The following OR4E2 variants were observed in gnomAD, a reference collection of about 807,000 sequenced individuals.
OR4E2 encodes the protein olfactory receptor 4E2.
In OR4E2, 9 loss-of-function variants were observed where a neutral mutation model predicts 11.0. The ratio of observed to expected loss-of-function variants is 0.82; its 90% CI spans 0.49 to 1.43. OR4E2 has a LOEUF of 1.43. Ranked by LOEUF, OR4E2 falls within the 40% of genes most tolerant of loss-of-function variation. The probability of loss-of-function intolerance (pLI) is 0.00; values close to 1 mark genes in which losing one functional copy is unlikely to be tolerated. For synonymous variants in OR4E2, 159 were observed against 147.3 expected, an observed-to-expected ratio of 1.08 and a Z score of -0.57; for missense variants, 441 against 382.0, an observed-to-expected ratio of 1.15 and a Z score of -1.29.
chr14:21,664,076 T>C (rs540482677), intron 3 of OR4E2, among the ~76,000 whole-genome samples: 1 of 152,368 alleles, frequency 6.6e-6, no homozygotes, highest in African/African-American at 2.4e-5. Flanking sequence ...TGTACATGTA[T>C]CTTTATAATT....
chr14:21,657,376 TC>T (rs1880015166), intron 2 of OR4E2, among the ~76,000 whole-genome samples: 1 of 147,532 alleles, frequency 6.8e-6, no homozygotes, highest in Non-Finnish European at 1.5e-5. Flanking sequence ...CTTCCTTCCT[TC>T]CTTCCTTCCT....
In OR4E2 at chr14:21,665,160, GT is replaced by G. The variant is rs1468174992; in HGVS notation, c.83del (p.Phe28SerfsTer10). ...LTDNRVLEML[F>X]FMAFSAIYML... ...CTGATAACCGGGTGCTGGAAATGCT[GT>G]TTTTCATGGCATTCTCAGCCATTTA... is the stretch of plus-strand genomic sequence containing the variant. On this transcript the variant is annotated frameshift_variant, in exon 4 of 4. Coordinates refer to ENST00000641524, the MANE Select transcript of OR4E2 (RefSeq NM_001001912.3). LOFTEE classifies it low-confidence loss of function (END_TRUNC). The G allele has an allele frequency of 6.2e-7, 1 of 1,613,952 alleles. No homozygotes were observed. The highest frequency in any genetic ancestry group is 8.5e-7 in the Non-Finnish European group (1 of 1,179,888).
intron 1 of OR4E2, among the ~76,000 whole-genome samples, chr14:21,655,045 A>C (rs1182759374): frequency 6.6e-6 from 1 of 152,206 alleles, no homozygotes; most frequent in Non-Finnish European, 1.5e-5. Context: ...ACATCTAAAA[A>C]ATACCTTCAA....
At chr14:21,657,574 T>TCC (rs782081720) in intron 2 of OR4E2, among the ~76,000 whole-genome samples, 1 of 129,968 alleles carries the variant, frequency 7.7e-6, no homozygotes, top group Admixed American at 8.6e-5. Context: ...TCTCTCTCTC[T>TCC]CCCCCTTCCC....
chr14:21,657,389 T>TTCCTTC (rs1566581708), intron 2 of OR4E2, among the ~76,000 whole-genome samples: 2,655 of 82,202 alleles, frequency 0.032, 78 homozygotes, highest in Middle Eastern at 0.056. Context: ...TTCCTTCCTT[T>TTCCTTC]CTTTCTTCCT....
intron 1 of OR4E2, among the ~76,000 whole-genome samples, chr14:21,655,147 G>A (rs193078115): frequency 2.6e-5 from 4 of 152,240 alleles, no homozygotes; most frequent in Admixed American, 6.5e-5. Context: ...TAATTAAAGG[G>A]ATAAAATTAT....
At chr14:21,662,922 G>T (rs1880415068) in intron 3 of OR4E2, among the ~76,000 whole-genome samples, 1 of 152,038 alleles carries the variant, frequency 6.6e-6, no homozygotes, top group African/African-American at 2.4e-5. Context: ...TTTCCCAACG[G>T]TTATAGTTTT....
chr14:21,665,945 C>T lies in OR4E2; in HGVS notation c.863C>T (p.Thr288Ile). Reference protein sequence around the residue: ...VTPLLNPFIYTLRNEEVKSAM... With the variant: ...VTPLLNPFIYILRNEEVKSAM... ...CCTTTGCTGAATCCCTTCATTTACA[C>T]CTTGAGGAATGAGGAGGTAAAAAGT... The change falls in exon 4 of 4, where the codon ACC becomes ATC. Residue 288 changes from threonine (T) to isoleucine (I), a missense_variant. Thr to Ile is a moderately conservative substitution (Grantham distance 89). Coordinates refer to ENST00000641524, the MANE Select transcript of OR4E2 (RefSeq NM_001001912.3). The T allele has an allele frequency of 6.2e-7, 1 of 1,613,954 alleles. No homozygotes were observed.
At chr14:21,662,676 T>A (rs1880398200) in intron 3 of OR4E2, among the ~76,000 whole-genome samples, 1 of 152,214 alleles carries the variant, frequency 6.6e-6, no homozygotes, top group Non-Finnish European at 1.5e-5. Flanking sequence ...TAATATTTTT[T>A]CACGTTGGTA....
At position 21,665,439 on chromosome 14, in the gene OR4E2, G is replaced by A. The variant is rs200065979; in HGVS notation, c.357G>A (p.Ala119=). ...CAEIFLLIIM[A]YDRYVAICTP... is the part of the protein sequence containing the mutation. ...AGATCTTTCTGCTGATCATTATGGCGTATGATCGTTACGTGGCTATCTGCA... is the reference window on the plus strand; with the variant it reads ...AGATCTTTCTGCTGATCATTATGGCATATGATCGTTACGTGGCTATCTGCA... The change falls in exon 4 of 4, where the codon GCG becomes GCA. Residue 119 remains alanine, a synonymous_variant. Coordinates refer to ENST00000641524, the MANE Select transcript of OR4E2 (RefSeq NM_001001912.3). 1.2e-5 allele frequency: 19 copies of A among 1,613,680 alleles called. No homozygotes were observed. The Middle Eastern group carries it at 6.6e-4, about 56-fold the overall frequency.
In OR4E2 at chr14:21,665,626, C is replaced by A. The variant is rs1225905818; in HGVS notation, c.544C>A (p.Pro182Thr). The A allele has an allele frequency of 6.2e-7, 1 of 1,614,000 alleles. No homozygotes were observed. The highest frequency in any genetic ancestry group is 8.5e-7 in the Non-Finnish European group (1 of 1,179,954). ...TATTGACAGCTACTTCTGTGATGTG[C>A]CTCTTGTTATCAAGCTGGCCTGCAC... Reference protein sequence around the residue: ...NIIDSYFCDVPLVIKLACTDT... With the variant: ...NIIDSYFCDVTLVIKLACTDT... Residue 182 changes from proline to threonine, a missense_variant, in exon 4 of 4, where the codon CCT becomes ACT. Transcript: ENST00000641524.
At chr14:21,662,829 T>G (rs1212970360) in intron 3 of OR4E2, among the ~76,000 whole-genome samples, 1 of 152,184 alleles carries the variant, frequency 6.6e-6, no homozygotes, top group African/African-American at 2.4e-5. Flanking sequence ...TTCCTTGCAT[T>G]TAGCTTTTTT....
At chr14:21,655,557 C>A (rs1879894498) in intron 1 of OR4E2, among the ~76,000 whole-genome samples, 1 of 152,016 alleles carries the variant, frequency 6.6e-6, no homozygotes, top group African/African-American at 2.4e-5. Context: ...CTTGTAGTCC[C>A]AGCCACTGGG....
intron 2 of OR4E2, among the ~76,000 whole-genome samples, chr14:21,657,887 C>A (rs141036822): frequency 1.3e-5 from 2 of 152,262 alleles, no homozygotes; most frequent in East Asian, 3.9e-4. Context: ...CTGCACCCAG[C>A]CTCTAAATGC....
At position 21,665,609 on chromosome 14, in the gene OR4E2, G is replaced by A. The variant is rs1331464051; in HGVS notation, c.527G>A (p.Ser176Asn). The change falls in exon 4 of 4, where the codon AGC (serine) becomes AAC (asparagine). Residue 176 changes from serine to asparagine, a missense_variant. By Grantham distance (46) the Ser-to-Asn change is conservative. Coordinates refer to ENST00000641524, the MANE Select transcript of OR4E2 (RefSeq NM_001001912.3). ...TACTGTGGCCCCAACATTATTGACA[G>A]CTACTTCTGTGATGTGCCTCTTGTT... ...LPYCGPNIID[S>N]YFCDVPLVIK... The A allele has an allele frequency of 1.2e-6, 2 of 1,613,948 alleles. No individual in the cohort carries two copies. Among genetic ancestry groups the A allele is most frequent in the African/African-American group, 2.7e-5 (2 of 74,900 alleles).
In OR4E2 at chr14:21,665,092, C is replaced by T. The variant is rs1158738958; in HGVS notation, c.10C>T (p.Leu4=). 1 of 1,605,320 alleles carries T rather than the reference C, an allele frequency of 6.2e-7. No individual in the cohort carries two copies. Among genetic ancestry groups the T allele is most frequent in the Non-Finnish European group, 8.5e-7 (1 of 1,174,558 alleles). Reference sequence around the variant, plus strand: ...CCCCTAAGCTCATTGAATGGACAGTCTAAACCAAACAAGAGTGACTGAATT... The same window carrying T: ...CCCCTAAGCTCATTGAATGGACAGTTTAAACCAAACAAGAGTGACTGAATT... The part of the protein sequence containing the change: MDS[L]NQTRVTEFVF... The change falls in exon 4 of 4, where the codon CTA becomes TTA. Residue 4 remains leucine, a synonymous_variant. Coordinates refer to ENST00000641524, the MANE Select transcript of OR4E2 (RefSeq NM_001001912.3).
intron 2 of OR4E2, among the ~76,000 whole-genome samples, chr14:21,657,939 C>T (rs868413859): frequency 4.6e-5 from 7 of 152,220 alleles, no homozygotes; most frequent in Middle Eastern, 3.4e-3. Flanking sequence ...TTGTTCTTAC[C>T]CTACACAACC....
chr14:21,656,141 AC>A (rs1383094336), intron 1 of OR4E2, among the ~76,000 whole-genome samples: 1 of 151,336 alleles, frequency 6.6e-6, no homozygotes, highest in Non-Finnish European at 1.5e-5. Context: ...CCAACCAAAA[AC>A]AAAAAACAAG....
chr14:21,654,279 C>G (rs560510178), intron 1 of OR4E2, among the ~76,000 whole-genome samples: 1 of 152,132 alleles, frequency 6.6e-6, no homozygotes, highest in South Asian at 2.1e-4. Flanking sequence ...TCACCACAGT[C>G]CCATCTTGAT....
Sources: allele counts gnomAD v4.1 joint callset (sites outside exome capture counted in the v4.1 genomes callset), GRCh38; gene constraint gnomAD v4.1.1; transcripts MANE v1.5; gene names NCBI Gene and HGNC (gene_info 2026-07-23, HGNC 2026-07-21).